Variants in WWC1 observed in about 807,000 individuals in gnomAD.
The protein encoded by WWC1 is WW and C2 domain containing 1.
A neutral mutation model predicts 138.4 loss-of-function variants in WWC1; 55 were observed. The observed-to-expected ratio is 0.40, with a 90% confidence interval of 0.32 to 0.50. The LOEUF (loss-of-function observed/expected upper bound fraction) is 0.50, where lower values mean the gene tolerates loss of function less well. Among genes scored for constraint, WWC1 ranks in the 20% least tolerant of loss-of-function variants. The pLI is 0.72. For synonymous variants in WWC1, 524 were observed against 564.9 expected (o/e 0.93, Z 1.03); for missense variants, 1,226 against 1,420.4 (o/e 0.86, Z 2.20).
At position 168,292,571 on chromosome 5, in the gene WWC1, G is replaced by GC. The variant is rs1044695281; in HGVS notation, c.119+303dup. On this transcript the variant is annotated intron_variant, in intron 1 of 22. Coordinates refer to ENST00000265293, the MANE Select transcript of WWC1 (RefSeq NM_015238.3). The surrounding 1 kb of genome is among the most constrained non-coding windows in gnomAD (Gnocchi z 4.4). The stretch of plus-strand genomic sequence containing the variant: ...AGTTTTGACCTTAAGCTCTAGCCCC[G>GC]CCCGCCCCCTTTAGGAAGAGAGGTC... Among the ~76,000 whole-genome samples the GC allele has an allele frequency of 3.2e-4, 49 of 152,176 alleles. No individual in the cohort carries two copies. The highest frequency in any genetic ancestry group is 1.1e-3 in the African/African-American group (47 of 41,546).
At chr5:168,358,164 G>A (rs962541733) in intron 1 of WWC1, among the ~76,000 whole-genome samples, 1 of 152,190 alleles carries the variant, frequency 6.6e-6, no homozygotes, top group Non-Finnish European at 1.5e-5. Flanking sequence ...GGTGACCTGG[G>A]GAAACAGTGT....
At chr5:168,414,122 G>A (rs112829112) in intron 8 of WWC1, 1 of 562,504 alleles carries the variant, frequency 1.8e-6, no homozygotes. Flanking sequence ...ACATTGCCTT[G>A]TTCATGTCTG....
Position 168,461,189 on chromosome 5 carries a change from C to T in WWC1, c.2916+447C>T, listed in dbSNP as rs150738948. On this transcript the variant is annotated intron_variant, in intron 20 of 22. Transcript: ENST00000265293. Reference sequence around the variant, plus strand: ...ACTAAAAATACAAAAATTAGCCGGGCGTGGTAGCGTGTACCTGTAGTCCCA... The same window carrying T: ...ACTAAAAATACAAAAATTAGCCGGGTGTGGTAGCGTGTACCTGTAGTCCCA... 9.1e-3 allele frequency among the ~76,000 whole-genome samples: 1,382 copies of T among 152,216 alleles called. 15 individuals are homozygous for T. Among genetic ancestry groups the T allele is most frequent in the African/African-American group, 0.032 (1,332 of 41,530 alleles).
chr5:168,460,059 G>A (rs138224740), intron 19 of WWC1, among the ~76,000 whole-genome samples: 54 of 152,274 alleles, frequency 3.5e-4, no homozygotes, highest in Admixed American at 3.1e-3. Context: ...GGATGCCCAC[G>A]GGGAGAGTTA....
chr5:168,467,685 A>T, intron 21 of WWC1, 155 bp from the exon 22 acceptor site: 2 of 1,090,482 alleles, frequency 1.8e-6, no homozygotes, highest in Non-Finnish European at 2.6e-6. Context: ...TGATTTGAGC[A>T]CTTCCCATTA....
In WWC1 at chr5:168,461,051, G is replaced by C. The variant is rs112632164; in HGVS notation, c.2916+309G>C. Among the ~76,000 whole-genome samples, 495 of 152,174 alleles carry C rather than the reference G, an allele frequency of 3.3e-3. 5 individuals are homozygous for C. The highest frequency in any genetic ancestry group is 0.011 in the African/African-American group (443 of 41,508). The stretch of plus-strand genomic sequence containing the variant: ...TCAGTAAGAACTAACCAACCCAGCC[G>C]GGCCCCGTGGCTCACACCTGTAATC... On this transcript the variant is annotated intron_variant, in intron 20 of 22. Coordinates refer to ENST00000265293, the MANE Select transcript of WWC1 (RefSeq NM_015238.3).
chr5:168,441,870 G>C, intron 16 of WWC1, 36 bp downstream of exon 16: 1 of 1,599,010 alleles, frequency 6.3e-7, no homozygotes, highest in East Asian at 2.2e-5. Flanking sequence ...TTCCCACAAG[G>C]CCGCACCCGG....
chr5:168,302,240 T>G (rs928422136), intron 1 of WWC1, among the ~76,000 whole-genome samples: 3 of 152,196 alleles, frequency 2.0e-5, no homozygotes, highest in Non-Finnish European at 4.4e-5. Flanking sequence ...CATGGTGGTG[T>G]TGCAGGAAGG....
At chr5:168,354,025 T>A (rs1775203058) in intron 1 of WWC1, among the ~76,000 whole-genome samples, 1 of 152,086 alleles carries the variant, frequency 6.6e-6, no homozygotes, top group Non-Finnish European at 1.5e-5. Context: ...CTTAGGCTCT[T>A]CCAAAAATGA....
intron 2 of WWC1, among the ~76,000 whole-genome samples, chr5:168,378,733 A>G (rs1401026375): frequency 6.6e-6 from 1 of 152,188 alleles, no homozygotes; most frequent in Non-Finnish European, 1.5e-5. Flanking sequence ...CTTCATCAGT[A>G]TGGGGCTATG....
chr5:168,441,629 C>A lies in WWC1; in HGVS notation c.2281-53C>A, dbSNP rs1754770379. 5 of 1,586,316 alleles carry A rather than the reference C, an allele frequency of 3.2e-6. No individual in the cohort carries two copies. In the South Asian group the frequency reaches 5.8e-5, roughly 18 times the overall value. ...TCCTCTTGAACCAAATTCCCTGACA[C>A]CTGGTGTCCCCCCCACCGCCACTTA... On this transcript the variant is annotated intron_variant, in intron 15 of 22. Transcript: ENST00000265293.
At chr5:168,363,805 G>C (rs1171371424) in intron 1 of WWC1, among the ~76,000 whole-genome samples, 1 of 152,160 alleles carries the variant, frequency 6.6e-6, no homozygotes, top group Non-Finnish European at 1.5e-5. Context: ...ACACAGGTTA[G>C]AGTTCATGCC....
chr5:168,369,533 G>T (rs1776575560), intron 1 of WWC1, among the ~76,000 whole-genome samples: 1 of 152,136 alleles, frequency 6.6e-6, no homozygotes, highest in Non-Finnish European at 1.5e-5. Context: ...CTCCCAAGTA[G>T]CTGGGACTAC....
At chr5:168,413,183 C>T (rs775313122) in intron 8 of WWC1, among the ~76,000 whole-genome samples, 1 of 152,202 alleles carries the variant, frequency 6.6e-6, no homozygotes, top group Non-Finnish European at 1.5e-5. Context: ...GTCTTAGGTG[C>T]ATCATATCCT....
At chr5:168,398,296 G>T (rs1001124944) in intron 4 of WWC1, among the ~76,000 whole-genome samples, 1 of 145,826 alleles carries the variant, frequency 6.9e-6, no homozygotes, top group Non-Finnish European at 1.5e-5. Context: ...GTAGAGACGG[G>T]GTTTCACTGT....
intron 2 of WWC1, among the ~76,000 whole-genome samples, chr5:168,372,267 G>A (rs1015489630): frequency 6.6e-5 from 6 of 91,344 alleles, no homozygotes; most frequent in African/African-American, 1.7e-4. Context: ...ATCCTCCAGC[G>A]GGGGAGAGTT....
At chr5:168,310,355 G>T (rs1770956196) in intron 1 of WWC1, among the ~76,000 whole-genome samples, 1 of 150,660 alleles carries the variant, frequency 6.6e-6, no homozygotes. Flanking sequence ...CTTTCTCTCT[G>T]AATATATTAT....
At chr5:168,360,184 A>G (rs1238417509) in intron 1 of WWC1, among the ~76,000 whole-genome samples, 1 of 152,222 alleles carries the variant, frequency 6.6e-6, no homozygotes, top group Non-Finnish European at 1.5e-5. Context: ...CAGCTCCATC[A>G]GGACTGCAGC....
chr5:168,469,006 G>C lies in WWC1; in HGVS notation c.3331G>C (p.Asp1111His), dbSNP rs1177521946. The change falls in exon 23 of 23, where the codon GAT becomes CAT. Residue 1111 changes from aspartate (D) to histidine (H), a missense_variant. Asp to His is a moderately conservative substitution (Grantham distance 81). Transcript: ENST00000265293. ...GATGAATATCCCAGCTCTCTCTGCA[G>C]ATGACGTCTAATCGCCAGAAAAGTA... ...PRMNIPALSA[D>H]DV 6.2e-7 allele frequency: 1 copy of C among 1,614,212 alleles called. No individual in the cohort carries two copies. Among genetic ancestry groups the C allele is most frequent in the East Asian group, 2.2e-5 (1 of 44,888 alleles).
Sources: allele counts gnomAD v4.1 joint callset (sites outside exome capture counted in the v4.1 genomes callset), GRCh38; gene constraint gnomAD v4.1.1; non-coding constraint Gnocchi (gnomAD v3.1); transcripts MANE v1.5; gene names NCBI Gene and HGNC (gene_info 2026-07-23, HGNC 2026-07-21).